Variants in EIF4G3 observed in about 807,000 individuals in gnomAD.
The protein encoded by EIF4G3 is eukaryotic translation initiation factor 4 gamma 3.
A neutral mutation model predicts 186.4 loss-of-function variants in EIF4G3; 34 were observed. The observed-to-expected ratio is 0.18, with a 90% CI of 0.14 to 0.24. EIF4G3 has a LOEUF of 0.24. EIF4G3 is among the 10% of genes least tolerant of loss of function. The pLI is 1.00. For missense variants in EIF4G3, 1,536 were observed against 1,948.5 expected, an observed-to-expected ratio of 0.79 and a Z score of 3.99; for synonymous variants, 673 against 679.5, an observed-to-expected ratio of 0.99 and a Z score of 0.15.
Position 20,943,967 on chromosome 1 carries a change from ATTTTTTTTGTGTGTGTGTGTGTGT to A in EIF4G3, c.824-1661_824-1638del, listed in dbSNP as rs1321260716. 5.3e-3 allele frequency among the ~76,000 whole-genome samples: 349 copies of A among 65,376 alleles called. 5 individuals are homozygous for A. Among genetic ancestry groups the A allele is most frequent in the African/African-American group, 0.018 (305 of 17,046 alleles). The allele number at this position is 65,376 out of a possible 152,430, so 42.9% of individuals were successfully genotyped here. A position where few individuals can be genotyped will look rare whatever the true frequency, so the allele number is the denominator to read the frequency against. On this transcript the variant is annotated intron_variant, in intron 13 of 36. Coordinates refer to ENST00000602326, the MANE Select transcript of EIF4G3 (RefSeq NM_001391906.1). ...AAATATTTCAGGAAAACTTGTCTTT[ATTTTTTTTGTGTGTGTGTGTGTGT>A]GTGTGTGTGTGTGTGTGTGTGTGTG... is the stretch of plus-strand genomic sequence containing the variant.
intron 2 of EIF4G3, among the ~76,000 whole-genome samples, chr1:21,096,099 CA>C (rs1169579154): frequency 6.6e-6 from 1 of 152,172 alleles, no homozygotes; most frequent in Non-Finnish European, 1.5e-5. Flanking sequence ...CCTCTCTCCT[CA>C]AAAATGCCCA....
intron 32 of EIF4G3, among the ~76,000 whole-genome samples, chr1:20,825,683 T>A (rs191546567): frequency 1.3e-5 from 2 of 152,312 alleles, no homozygotes; most frequent in African/African-American, 4.8e-5. Context: ...ACACTGTGTC[T>A]TTTCCTAGAT....
chr1:20,916,420 C>T (rs867748392), intron 14 of EIF4G3, among the ~76,000 whole-genome samples: 1 of 150,992 alleles, frequency 6.6e-6, no homozygotes, highest in African/African-American at 2.4e-5. Context: ...GCACTCCAGC[C>T]TGAGCAATAG....
chr1:21,140,307 T>C (rs1234460403), intron 2 of EIF4G3, among the ~76,000 whole-genome samples: 4 of 152,132 alleles, frequency 2.6e-5, no homozygotes, highest in African/African-American at 9.7e-5. Flanking sequence ...CCCAGTAGCA[T>C]GGGCAAATTT....
intron 3 of EIF4G3, among the ~76,000 whole-genome samples, chr1:21,075,818 C>T (rs2095573982): frequency 6.6e-6 from 1 of 151,802 alleles, no homozygotes; most frequent in African/African-American, 2.4e-5. Flanking sequence ...AAAAGAGCCC[C>T]CAGACATATA....
intron 20 of EIF4G3, among the ~76,000 whole-genome samples, chr1:20,865,684 C>T (rs985689180): frequency 5.3e-5 from 8 of 151,868 alleles, no homozygotes; most frequent in Admixed American, 2.0e-4. Flanking sequence ...TGCTGGTTAT[C>T]GCAAAACTGT....
chr1:21,108,902 C>CAA (rs767728797), intron 2 of EIF4G3, among the ~76,000 whole-genome samples: 1,869 of 32,330 alleles, frequency 0.058, 158 homozygotes, highest in African/African-American at 0.17. Context: ...GACTCCATCT[C>CAA]AAAAAAAAAA....
intron 2 of EIF4G3, among the ~76,000 whole-genome samples, chr1:21,092,447 T>C (rs1466417807): frequency 6.6e-6 from 1 of 152,156 alleles, no homozygotes; most frequent in Non-Finnish European, 1.5e-5. Flanking sequence ...AAATTCTCTT[T>C]TTTTGTTGTT....
At chr1:21,150,413 A>C (rs904174073) in intron 2 of EIF4G3, among the ~76,000 whole-genome samples, 3 of 152,246 alleles carry the variant, frequency 2.0e-5, no homozygotes, top group Admixed American at 1.3e-4. Flanking sequence ...GCGTCATGAA[A>C]AATTTGAGGG....
intron 30 of EIF4G3, among the ~76,000 whole-genome samples, chr1:20,839,891 A>T (rs941683396): frequency 1.7e-5 from 2 of 119,984 alleles, no homozygotes; most frequent in African/African-American, 6.3e-5. Context: ...CATTTAATTT[A>T]TGAGAACATG....
rs545848792 is a variant in EIF4G3, at chr1:21,170,017, A to G, written c.-272+6158T>C. Among the ~76,000 whole-genome samples the G allele has an allele frequency of 1.4e-4, 21 of 152,210 alleles. No individual in the cohort carries two copies. In the South Asian group the frequency reaches 4.4e-3, roughly 32 times the overall value. On this transcript the variant is annotated intron_variant, in intron 2 of 36. Transcript: ENST00000602326. ...TGGTGAAACCCCGCCTCTACTAAAAATACAAAAATTAGCCAGGCGTGGTGG... is the reference window on the plus strand; with the variant it reads ...TGGTGAAACCCCGCCTCTACTAAAAGTACAAAAATTAGCCAGGCGTGGTGG...
chr1:21,001,384 A>G, intron 5 of EIF4G3, 72 bp from the exon 6 acceptor site: 1 of 450,062 alleles, frequency 2.2e-6, no homozygotes, highest in Admixed American at 2.6e-5. Context: ...ATGTAAATTT[A>G]ATTCATTTTC....
intron 13 of EIF4G3, among the ~76,000 whole-genome samples, chr1:20,943,281 T>C (rs1558358151): frequency 2.0e-5 from 3 of 152,192 alleles, no homozygotes; most frequent in Non-Finnish European, 2.9e-5. Context: ...ACATATAGTA[T>C]GAAAATACTA....
At chr1:21,047,393 C>G (rs2093952020) in intron 4 of EIF4G3, among the ~76,000 whole-genome samples, 1 of 152,178 alleles carries the variant, frequency 6.6e-6, no homozygotes, top group African/African-American at 2.4e-5. Context: ...GGGGGTAACT[C>G]TTAGGAGATT....
At chr1:20,920,453 C>T (rs1380190985) in intron 14 of EIF4G3, among the ~76,000 whole-genome samples, 1 of 152,032 alleles carries the variant, frequency 6.6e-6, no homozygotes, top group Non-Finnish European at 1.5e-5. Context: ...AAATTATTAT[C>T]ACATTATGAC....
chr1:21,174,443 C>T (rs551028101), intron 2 of EIF4G3, among the ~76,000 whole-genome samples: 2 of 152,278 alleles, frequency 1.3e-5, no homozygotes, highest in East Asian at 3.9e-4. Context: ...TCAAGGACAC[C>T]TACTACAGGT....
chr1:20,849,469 C>T lies in EIF4G3; in HGVS notation c.3834G>A (p.Leu1278=). Residue 1278 remains leucine (L), a synonymous_variant, in exon 29 of 37, where the codon CTG becomes CTA. Coordinates refer to ENST00000602326, the MANE Select transcript of EIF4G3 (RefSeq NM_001391906.1). ...CAATGATAGATTTCGACTTCCTCTC[C>T]AGTTCCTCTTCTGATAATGCAGCCT... ...HDKAALSEEE[L]ERKSKSIIDE... is the part of the protein sequence containing the mutation. The T allele has an allele frequency of 6.4e-7, 1 of 1,567,660 alleles. No homozygotes were observed. Among genetic ancestry groups the T allele is most frequent in the Non-Finnish European group, 8.6e-7 (1 of 1,160,116 alleles).
intron 18 of EIF4G3, among the ~76,000 whole-genome samples, chr1:20,892,047 C>A (rs545785393): frequency 1.3e-5 from 2 of 152,150 alleles, no homozygotes; most frequent in Non-Finnish European, 2.9e-5. Context: ...TTCAAGTATA[C>A]GCCATCACTG....
intron 18 of EIF4G3, 131 bp from the exon 19 acceptor site, chr1:20,886,502 G>A: frequency 1.3e-6 from 1 of 742,658 alleles, no homozygotes; most frequent in Non-Finnish European, 2.1e-6. Context: ...ACTCAAACTG[G>A]AGGTAATCTT....
Sources: allele counts gnomAD v4.1 joint callset (sites outside exome capture counted in the v4.1 genomes callset), GRCh38; gene constraint gnomAD v4.1.1; transcripts MANE v1.5; gene names NCBI Gene and HGNC (gene_info 2026-07-23, HGNC 2026-07-21).